TMPRSS11F: variants seen among roughly 807,000 people sequenced by gnomAD.
TMPRSS11F encodes the protein transmembrane protease serine 11F.
Under a neutral mutation model 60.2 loss-of-function variants are expected in TMPRSS11F, and 47 were observed. The observed-to-expected ratio is 0.78, with a 90% CI of 0.62 to 1.00. The LOEUF (loss-of-function observed/expected upper bound fraction) is 1.00. Ranked by LOEUF, TMPRSS11F falls within the 50% of genes least tolerant of loss-of-function variation. TMPRSS11F has a pLI of 0.00. For missense variants in TMPRSS11F, 519 were observed against 522.9 expected (o/e 0.99, Z 0.07); for synonymous variants, 166 against 167.3 (o/e 0.99, Z 0.06).
At chr4:68,087,193 TG>T (rs1166058373) in intron 3 of TMPRSS11F, among the ~76,000 whole-genome samples, 3 of 152,192 alleles carry the variant, frequency 2.0e-5, no homozygotes, top group Admixed American at 2.0e-4. Context: ...GCTTTATTCC[TG>T]GGATGCAAGT....
chr4:68,062,057 G>A (rs1723190911), intron 8 of TMPRSS11F: 2 of 451,594 alleles, frequency 4.4e-6, no homozygotes, highest in South Asian at 1.6e-5. Context: ...GAAACCCTTC[G>A]CCATTAGATA....
intron 3 of TMPRSS11F, among the ~76,000 whole-genome samples, chr4:68,083,326 C>A (rs780177213): frequency 6.6e-6 from 1 of 152,138 alleles, no homozygotes; most frequent in Non-Finnish European, 1.5e-5. Context: ...TTAAAGGGGG[C>A]CCCCTAAGGC....
chr4:68,120,654 C>T (rs538688851), intron 1 of TMPRSS11F, among the ~76,000 whole-genome samples: 1 of 152,248 alleles, frequency 6.6e-6, no homozygotes, highest in East Asian at 1.9e-4. Context: ...TCCCAAAGTG[C>T]TGGGATTACA....
In TMPRSS11F at chr4:68,124,944, C is replaced by T. The variant is rs1048073980; in HGVS notation, c.11+4866G>A. Among the ~76,000 whole-genome samples the T allele has an allele frequency of 1.6e-4, 5 of 30,726 alleles. No homozygotes were observed. In the South Asian group the frequency reaches 8.7e-3, roughly 54 times the overall value. The allele number at this position is 30,726 out of a possible 152,430, so 20.2% of individuals were successfully genotyped here. ...TTGACATTCTAAGTATCTAAACCAGCATTTTTTTTTTTTTTTTTTTTTTAC... is the reference window on the plus strand; with the variant it reads ...TTGACATTCTAAGTATCTAAACCAGTATTTTTTTTTTTTTTTTTTTTTTAC... On this transcript the variant is annotated intron_variant, in intron 1 of 9. Transcript: ENST00000356291.
At chr4:68,063,381 GTTT>G (rs758870439) in intron 8 of TMPRSS11F, 29 of 385,162 alleles carry the variant, frequency 7.5e-5, no homozygotes, top group Non-Finnish European at 1.4e-4. Flanking sequence ...TTCTGTTTTT[GTTT>G]TTGTTTGTTT....
chr4:68,099,964 C>G (rs1186625009), intron 1 of TMPRSS11F, among the ~76,000 whole-genome samples: 8 of 151,110 alleles, frequency 5.3e-5, no homozygotes, highest in Admixed American at 4.6e-4. Context: ...GAGCACTAAA[C>G]TTTTTGAAGG....
intron 1 of TMPRSS11F, among the ~76,000 whole-genome samples, chr4:68,103,890 T>C (rs78450995): frequency 0.017 from 2,651 of 152,284 alleles, 72 homozygotes; most frequent in African/African-American, 0.06. Context: ...ATCCTAGGTA[T>C]ATTACTTTTT....
intron 3 of TMPRSS11F, among the ~76,000 whole-genome samples, chr4:68,082,142 T>C (rs1278707789): frequency 6.6e-6 from 1 of 152,134 alleles, no homozygotes; most frequent in Non-Finnish European, 1.5e-5. Context: ...GTGGTCTTGC[T>C]GGATGTTAGG....
intron 5 of TMPRSS11F, among the ~76,000 whole-genome samples, chr4:68,071,249 C>G (rs192431303): frequency 1.4e-4 from 21 of 152,252 alleles, no homozygotes; most frequent in Non-Finnish European, 2.2e-4. Context: ...TCCCTTATTT[C>G]TAATTACTTC....
chr4:68,085,191 A>G (rs113318421), intron 3 of TMPRSS11F, among the ~76,000 whole-genome samples: 7,857 of 147,692 alleles, frequency 0.053, 258 homozygotes, highest in Non-Finnish European at 0.084. Flanking sequence ...GCCGCAATAA[A>G]CATACGTGTG....
At chr4:68,095,059 T>C (rs961736) in intron 2 of TMPRSS11F, among the ~76,000 whole-genome samples, 43,646 of 151,782 alleles carry the variant, frequency 0.29, 6,373 homozygotes, top group East Asian at 0.49. Context: ...TCATAATTCA[T>C]GTGAATGGTA....
chr4:68,095,481 T>C (rs759553385), intron 2 of TMPRSS11F, among the ~76,000 whole-genome samples: 2 of 152,138 alleles, frequency 1.3e-5, no homozygotes, highest in Non-Finnish European at 2.9e-5. Context: ...TGCTATATCC[T>C]ACACCAAATT....
intron 5 of TMPRSS11F, 148 bp from the exon 6 acceptor site, chr4:68,070,155 T>C (rs1284946609): frequency 3.7e-6 from 2 of 534,224 alleles, no homozygotes; most frequent in Non-Finnish European, 6.3e-6. Context: ...TCAAGTCATA[T>C]ATAAATAACC....
At chr4:68,071,071 A>G (rs1014879130) in intron 5 of TMPRSS11F, among the ~76,000 whole-genome samples, 5 of 152,246 alleles carry the variant, frequency 3.3e-5, no homozygotes, top group African/African-American at 1.2e-4. Flanking sequence ...CTCAGTAAAC[A>G]TAATATAATG....
intron 1 of TMPRSS11F, among the ~76,000 whole-genome samples, chr4:68,111,229 T>C (rs761088546): frequency 3.3e-4 from 51 of 152,286 alleles, no homozygotes; most frequent in South Asian, 6.2e-4. Context: ...TCTTCACCCA[T>C]CTCAGTTTTA....
intron 9 of TMPRSS11F, among the ~76,000 whole-genome samples, chr4:68,058,878 C>G (rs1166244676): frequency 6.6e-6 from 1 of 152,070 alleles, no homozygotes; most frequent in Non-Finnish European, 1.5e-5. Flanking sequence ...TAGTGTGACT[C>G]TAAGAGGAGG....
intron 2 of TMPRSS11F, among the ~76,000 whole-genome samples, chr4:68,091,075 A>G (rs1479847381): frequency 2.0e-5 from 3 of 152,138 alleles, no homozygotes; most frequent in Non-Finnish European, 4.4e-5. Context: ...ACTTAAGTAG[A>G]AGTCCATATT....
chr4:68,059,099 T>A (rs1022815502), intron 9 of TMPRSS11F, among the ~76,000 whole-genome samples: 6 of 152,190 alleles, frequency 3.9e-5, no homozygotes, highest in Non-Finnish European at 5.9e-5. Context: ...AATATTGCTT[T>A]TATCTCATTA....
At chr4:68,107,171 A>C (rs1187039341) in intron 1 of TMPRSS11F, among the ~76,000 whole-genome samples, 1 of 152,200 alleles carries the variant, frequency 6.6e-6, no homozygotes, top group African/African-American at 2.4e-5. Flanking sequence ...AATAAAAATA[A>C]ATTTCATTCA....
Sources: gnomAD v4.1 joint callset for allele counts (sites outside exome capture counted in the v4.1 genomes callset) on GRCh38, gnomAD v4.1.1 for gene constraint, MANE v1.5 for transcripts, NCBI Gene and HGNC (gene_info 2026-07-23, HGNC 2026-07-21) for gene names.